The following ZNF341 variants were observed in gnomAD, a reference collection of about 807,000 sequenced individuals.
ZNF341 encodes zinc finger protein 341.
Under a neutral mutation model 87.7 loss-of-function variants are expected in ZNF341, and 52 were observed. The observed-to-expected ratio is 0.59, with a 90% CI of 0.47 to 0.75. The LOEUF is 0.75. Ranked by LOEUF, ZNF341 falls within the 30% of genes least tolerant of loss-of-function variation. The probability of loss-of-function intolerance (pLI) is 0.00; values close to 1 mark genes in which losing one functional copy is unlikely to be tolerated. For synonymous variants in ZNF341, 459 were observed against 472.7 expected, an observed-to-expected ratio of 0.97 and a Z score of 0.38; for missense variants, 977 against 1,145.9, an observed-to-expected ratio of 0.85 and a Z score of 2.13.
intron 10 of ZNF341, among the ~76,000 whole-genome samples, chr20:33,773,325 C>T (rs1228783136): frequency 6.6e-6 from 1 of 152,192 alleles, no homozygotes; most frequent in Non-Finnish European, 1.5e-5. Flanking sequence ...ATGCTGATGA[C>T]CCTGTGCAGT....
rs537756526 is a variant in ZNF341, at chr20:33,774,722, C to T, written c.1622+4430C>T. Among the ~76,000 whole-genome samples the T allele has an allele frequency of 5.2e-4, 79 of 152,264 alleles. 1 individual carries two copies. The highest frequency in any genetic ancestry group is 1.9e-3 in the African/African-American group (78 of 41,544). On this transcript the variant is annotated intron_variant, in intron 10 of 14. Transcript: ENST00000375200. Reference sequence around the variant, plus strand: ...GTGGCTTATGCCTGTAATCCTAGCACTGTGGGAGGCCGAGGCAGGCAGATC... The same window carrying T: ...GTGGCTTATGCCTGTAATCCTAGCATTGTGGGAGGCCGAGGCAGGCAGATC...
intron 6 of ZNF341, 50 bp from the exon 7 acceptor site, chr20:33,758,666 C>A: frequency 6.6e-7 from 1 of 1,508,720 alleles, no homozygotes; most frequent in Non-Finnish European, 9.2e-7. Flanking sequence ...CCTTGGTGCC[C>A]TGAGCTGCAC....
intron 6 of ZNF341, among the ~76,000 whole-genome samples, chr20:33,758,457 T>C (rs2019226547): frequency 6.6e-6 from 1 of 152,154 alleles, no homozygotes; most frequent in Non-Finnish European, 1.5e-5. Context: ...CTGTGGGCCA[T>C]GGCAAAGAGC....
At chr20:33,776,392 CTT>C (rs1341206598) in intron 10 of ZNF341, among the ~76,000 whole-genome samples, 12 of 139,792 alleles carry the variant, frequency 8.6e-5, no homozygotes, top group Non-Finnish European at 7.8e-5. Context: ...TGCACCTGGC[CTT>C]TTTTTTTTTT....
intron 10 of ZNF341, among the ~76,000 whole-genome samples, chr20:33,778,001 T>A (rs762358303): frequency 7.9e-5 from 12 of 152,226 alleles, no homozygotes; most frequent in Non-Finnish European, 1.5e-4. Context: ...AAATACTGTG[T>A]CCTCCTCCGT....
Position 33,745,430 on chromosome 20 carries a change from T to A in ZNF341, c.339+131T>A. On this transcript the variant is annotated intron_variant, in intron 3 of 14. Coordinates refer to ENST00000375200, the MANE Select transcript of ZNF341 (RefSeq NM_001282933.2). ...CCTGCCCTTGTGGAGTGGGGCGAGA[T>A]GGATGGTGCACATGTACTGTTTTCA... 9.3e-6 allele frequency: 8 copies of A among 863,886 alleles called. No homozygotes were observed. In the South Asian group the frequency reaches 1.2e-4, roughly 13 times the overall value. 53.5% of individuals were successfully genotyped at this position (863,886 alleles called of 1,614,324 possible). A position where few individuals can be genotyped will look rare whatever the true frequency, so the allele number is the denominator to read the frequency against.
chr20:33,763,853 C>G (rs1404944126), intron 8 of ZNF341, among the ~76,000 whole-genome samples: 1 of 151,986 alleles, frequency 6.6e-6, no homozygotes, highest in Non-Finnish European at 1.5e-5. Context: ...TAGAGCAGCG[C>G]TGCCCAACAG....
Position 33,791,003 on chromosome 20 carries a change from A to G in ZNF341, c.2051A>G (p.Lys684Arg), listed in dbSNP as rs749117933. 1.2e-6 allele frequency: 2 copies of G among 1,612,612 alleles called. No individual in the cohort carries two copies. Among genetic ancestry groups the G allele is most frequent in the Admixed American group, 1.7e-5 (1 of 59,958 alleles). The change falls in exon 15 of 15, where the codon AAA becomes AGA. Residue 684 changes from lysine to arginine, a missense_variant. Around this residue, in one of 3 missense-constraint regions of ZNF341, gnomAD observed 241 missense variants for 335.0 expected, o/e 0.72. Transcript: ENST00000375200. ...ILSHSGMKLH[K>R]CALCSKSFSR... ...TGCCCTCCAGGCATGAAGCTCCACA[A>G]ATGCGCCCTGTGCAGCAAGTCCTTC... is the stretch of plus-strand genomic sequence containing the variant.
At chr20:33,786,382 G>A (rs1045154778) in intron 12 of ZNF341, among the ~76,000 whole-genome samples, 5 of 152,200 alleles carry the variant, frequency 3.3e-5, no homozygotes, top group African/African-American at 1.2e-4. Flanking sequence ...CAAGCTTTTG[G>A]AAGTGTATCT....
intron 14 of ZNF341, 135 bp from the exon 15 acceptor site, chr20:33,790,853 G>A: frequency 3.7e-6 from 4 of 1,082,742 alleles, no homozygotes; most frequent in Non-Finnish European, 3.9e-6. Flanking sequence ...GAAGGCAGAC[G>A]ACGAGGGTGG....
intron 2 of ZNF341, among the ~76,000 whole-genome samples, chr20:33,743,276 G>A (rs1311034389): frequency 1.3e-5 from 2 of 149,514 alleles, no homozygotes; most frequent in Admixed American, 6.7e-5. Context: ...CAGGTGATCC[G>A]CCTGCCTCAG....
In ZNF341 at chr20:33,791,283, G is replaced by A; in HGVS notation, c.2331G>A (p.Lys777=). The A allele has an allele frequency of 6.2e-7, 1 of 1,611,838 alleles. No individual in the cohort carries two copies. The highest frequency in any genetic ancestry group is 8.5e-7 in the Non-Finnish European group (1 of 1,179,602). ...ACCCGCTGGGGCTGGAGGAGCTGAA[G>A]GACACAGGGGCTGGGCTGGTGCCCG... ...LPDPLGLEEL[K]DTGAGLVPEA... is the part of the protein sequence containing the mutation. Residue 777 remains lysine (K), a synonymous_variant, in exon 15 of 15, where the codon AAG becomes AAA. Coordinates refer to ENST00000375200, the MANE Select transcript of ZNF341 (RefSeq NM_001282933.2).
chr20:33,735,528 G>A (rs192931300), intron 1 of ZNF341, among the ~76,000 whole-genome samples: 1 of 152,142 alleles, frequency 6.6e-6, no homozygotes, highest in East Asian at 1.9e-4. Flanking sequence ...ATGTTGCCCA[G>A]GTTGATCTTG....
intron 12 of ZNF341, among the ~76,000 whole-genome samples, chr20:33,784,348 T>C: frequency 4.0e-5 from 1 of 24,852 alleles, no homozygotes; most frequent in Non-Finnish European, 7.3e-5. Context: ...CCCATCTCCC[T>C]CTAGCCTCCC....
At position 33,770,164 on chromosome 20, in the gene ZNF341, G is replaced by A; in HGVS notation, c.1494G>A (p.Gln498=). 6.2e-7 allele frequency: 1 copy of A among 1,614,202 alleles called. No homozygotes were observed. Among genetic ancestry groups the A allele is most frequent in the Non-Finnish European group, 8.5e-7 (1 of 1,180,022 alleles). ...TTCTGGAGCACATCAAGAGCCACCA[G>A]GAGGAGCTGAGCTACCGCTGCCACC... The part of the protein sequence containing the change: ...DTFLEHIKSH[Q]EELSYRCHLC... The change falls in exon 10 of 15, where the codon CAG becomes CAA. Residue 498 remains glutamine, a synonymous_variant. Coordinates refer to ENST00000375200, the MANE Select transcript of ZNF341 (RefSeq NM_001282933.2).
chr20:33,744,586 T>A (rs1163110673), intron 2 of ZNF341, among the ~76,000 whole-genome samples: 4 of 136,028 alleles, frequency 2.9e-5, no homozygotes. Flanking sequence ...TGCAGGAAAC[T>A]GTGTGGTTTT....
intron 11 of ZNF341, among the ~76,000 whole-genome samples, chr20:33,782,906 A>T (rs947426428): frequency 6.6e-6 from 1 of 152,236 alleles, no homozygotes; most frequent in East Asian, 1.9e-4. Context: ...CTGTAATCCC[A>T]GCACTTCGGG....
chr20:33,745,720 G>T (rs1178897987), intron 3 of ZNF341, among the ~76,000 whole-genome samples: 3 of 152,050 alleles, frequency 2.0e-5, no homozygotes, highest in East Asian at 3.9e-4. Flanking sequence ...ACCTAAGGAG[G>T]TGTGGGAATG....
intron 2 of ZNF341, among the ~76,000 whole-genome samples, chr20:33,743,335 ATTTT>A (rs143611794): frequency 2.3e-4 from 25 of 108,070 alleles, no homozygotes; most frequent in African/African-American, 4.7e-4. Flanking sequence ...ACCCTGCCCA[ATTTT>A]TTTTTTTTTT....
Sources: allele counts gnomAD v4.1 joint callset (sites outside exome capture counted in the v4.1 genomes callset), GRCh38; gene constraint gnomAD v4.1.1; regional missense constraint gnomAD v4.1.1; transcripts MANE v1.5; gene names NCBI Gene and HGNC (gene_info 2026-07-23, HGNC 2026-07-21).